The following OLFM2 variants were observed in gnomAD, a reference collection of about 807,000 sequenced individuals.
OLFM2 encodes olfactomedin 2.
Under a neutral mutation model 43.9 loss-of-function variants are expected in OLFM2, and 20 were observed. The observed-to-expected ratio is 0.46, with a 90% CI of 0.32 to 0.66. The LOEUF is 0.66. Among genes scored for constraint, OLFM2 ranks in the 30% least tolerant of loss-of-function variants. The probability of loss-of-function intolerance (pLI) is 0.04; values close to 1 mark genes in which losing one functional copy is unlikely to be tolerated. For missense variants in OLFM2, 416 were observed against 643.6 expected (o/e 0.65, Z 3.83); for synonymous variants, 268 against 278.6 (o/e 0.96, Z 0.38).
At chr19:9,872,423 G>T (rs1437732922) in intron 1 of OLFM2, among the ~76,000 whole-genome samples, 1 of 152,090 alleles carries the variant, frequency 6.6e-6, no homozygotes. Flanking sequence ...GCTGAGGTGG[G>T]AGGATCGCCT....
chr19:9,870,572 C>G (rs1030040837), intron 1 of OLFM2, among the ~76,000 whole-genome samples: 13 of 152,210 alleles, frequency 8.5e-5, no homozygotes, highest in African/African-American at 3.1e-4. Flanking sequence ...CTGGCCCATC[C>G]TCTCTAATTG....
intron 1 of OLFM2, among the ~76,000 whole-genome samples, chr19:9,904,286 G>A (rs1296730372): frequency 1.3e-5 from 2 of 151,388 alleles, no homozygotes; most frequent in Non-Finnish European, 2.9e-5. Context: ...CGCCTCCCAG[G>A]TTCAAGCGAT....
intron 5 of OLFM2, among the ~76,000 whole-genome samples, chr19:9,855,620 A>G (rs558693031): frequency 2.0e-5 from 3 of 151,128 alleles, no homozygotes; most frequent in Admixed American, 1.3e-4. Context: ...TGCAGCCTCG[A>G]CCTCCCAGGC....
chr19:9,899,614 G>A (rs541752617), intron 1 of OLFM2, among the ~76,000 whole-genome samples: 12 of 152,196 alleles, frequency 7.9e-5, no homozygotes, highest in African/African-American at 2.2e-4. Flanking sequence ...GTACAGTGGT[G>A]TAACCATGGC....
intron 2 of OLFM2, among the ~76,000 whole-genome samples, chr19:9,858,899 T>C (rs2046344833): frequency 6.6e-6 from 1 of 151,962 alleles, no homozygotes; most frequent in South Asian, 2.1e-4. Context: ...CTTGTTAAGG[T>C]AGACTCTCAC....
chr19:9,905,410 T>C (rs147546271), intron 1 of OLFM2, among the ~76,000 whole-genome samples: 22,506 of 151,850 alleles, frequency 0.15, 1,823 homozygotes, highest in African/African-American at 0.21. Flanking sequence ...TGAGCCGAGA[T>C]TGCGCCACTG....
chr19:9,893,066 C>A (rs1165755795), intron 1 of OLFM2, among the ~76,000 whole-genome samples: 1 of 152,202 alleles, frequency 6.6e-6, no homozygotes, highest in Non-Finnish European at 1.5e-5. Context: ...AACCAGGTTT[C>A]TCTTTGGTCT....
Position 9,857,803 on chromosome 19 carries a change from T to C in OLFM2, c.272A>G (p.Gln91Arg). 6.2e-7 allele frequency: 1 copy of C among 1,614,128 alleles called. No individual in the cohort carries two copies. Among genetic ancestry groups the C allele is most frequent in the Non-Finnish European group, 8.5e-7 (1 of 1,180,020 alleles). The change falls in exon 3 of 6, where the codon CAG (glutamine) becomes CGG (arginine). Residue 91 changes from glutamine to arginine, a missense_variant. Coordinates refer to ENST00000264833, the MANE Select transcript of OLFM2 (RefSeq NM_058164.4). The surrounding 1 kb of genome is among the most constrained non-coding windows in gnomAD (Gnocchi z 5.7). ...GAGGGTCTCCATGCCGCGTACATACTGGAGGTCGCGATACGTCCGCAACTC... is the reference window on the plus strand; with the variant it reads ...GAGGGTCTCCATGCCGCGTACATACCGGAGGTCGCGATACGTCCGCAACTC... ...VLELRTYRDL[Q>R]YVRGMETLMR...
chr19:9,925,417 G>C (rs149858583), intron 1 of OLFM2, among the ~76,000 whole-genome samples: 18 of 152,158 alleles, frequency 1.2e-4, no homozygotes, highest in African/African-American at 4.3e-4. Context: ...CATTATCGTA[G>C]TTCTTCAAAA....
chr19:9,877,733 T>C (rs1464304456), intron 1 of OLFM2, among the ~76,000 whole-genome samples: 4 of 152,168 alleles, frequency 2.6e-5, no homozygotes, highest in Non-Finnish European at 5.9e-5. Context: ...CCTCTCTCTG[T>C]GTCACTTTTG....
At chr19:9,913,826 A>T in intron 1 of OLFM2, 1 of 321,282 alleles carries the variant, frequency 3.1e-6, no homozygotes, top group Non-Finnish European at 4.5e-6. Flanking sequence ...GGCTCCTCTT[A>T]TAAAGCGCCG....
At chr19:9,873,784 C>T (rs2046462390) in intron 1 of OLFM2, among the ~76,000 whole-genome samples, 3 of 144,248 alleles carry the variant, frequency 2.1e-5, no homozygotes, top group African/African-American at 7.6e-5. Context: ...TGTACACTAT[C>T]ATGCCCAGCT....
intron 1 of OLFM2, among the ~76,000 whole-genome samples, chr19:9,906,448 G>A (rs986886736): frequency 2.1e-4 from 32 of 151,960 alleles, no homozygotes; most frequent in Admixed American, 2.6e-4. Flanking sequence ...CCTGAGTATC[G>A]CAGAAATGAC....
At chr19:9,877,831 ATTTT>A (rs113203437) in intron 1 of OLFM2, among the ~76,000 whole-genome samples, 3 of 150,004 alleles carry the variant, frequency 2.0e-5, no homozygotes, top group South Asian at 2.1e-4. Context: ...GGAAAAATAA[ATTTT>A]TTTTTTTAAG....
intron 1 of OLFM2, among the ~76,000 whole-genome samples, chr19:9,910,382 T>A (rs2046818208): frequency 6.6e-6 from 1 of 150,744 alleles, no homozygotes; most frequent in African/African-American, 2.4e-5. Context: ...GAGCTGGGGG[T>A]TTTCAAACAT....
At chr19:9,890,587 C>A (rs2046630210) in intron 1 of OLFM2, among the ~76,000 whole-genome samples, 1 of 152,220 alleles carries the variant, frequency 6.6e-6, no homozygotes, top group Non-Finnish European at 1.5e-5. Context: ...TGTAGGACTT[C>A]CCCAGTGTGG....
At chr19:9,901,109 GAAGGAAGGAAAGAAAGAAA>G (rs1242393306) in intron 1 of OLFM2, among the ~76,000 whole-genome samples, 28 of 141,834 alleles carry the variant, frequency 2.0e-4, no homozygotes, top group East Asian at 1.9e-3. Flanking sequence ...AAGGAAAAAG[GAAGGAAGGAAAGAAAGAAA>G]AAGGAAGGAA....
Position 9,932,999 on chromosome 19 carries a change from G to A in OLFM2, c.63+3305C>T, listed in dbSNP as rs534229627. On this transcript the variant is annotated intron_variant, in intron 1 of 5. Coordinates refer to ENST00000264833, the MANE Select transcript of OLFM2 (RefSeq NM_058164.4). ...AGTTCCTAAGTGGTCTGGCTTCCCC[G>A]GCCTCATCTCCCCGCGACCTCTCCA... Among the ~76,000 whole-genome samples, 65 of 152,066 alleles carry A rather than the reference G, an allele frequency of 4.3e-4. 2 individuals carry two copies. The South Asian group carries it at 0.013, about 30-fold the overall frequency.
At chr19:9,871,641 A>T (rs912145878) in intron 1 of OLFM2, among the ~76,000 whole-genome samples, 2 of 151,410 alleles carry the variant, frequency 1.3e-5, no homozygotes, top group African/African-American at 4.9e-5. Context: ...TGGAATTCGA[A>T]CACAGGCCAT....
Sources: gnomAD v4.1 joint callset for allele counts (sites outside exome capture counted in the v4.1 genomes callset) on GRCh38, gnomAD v4.1.1 for gene constraint, Gnocchi (gnomAD v3.1) non-coding constraint, MANE v1.5 for transcripts, NCBI Gene and HGNC (gene_info 2026-07-23, HGNC 2026-07-21) for gene names.